Variants in FMO4 observed in about 807,000 individuals in gnomAD.
FMO4 encodes the protein dimethylaniline monooxygenase [N-oxide-forming] 4.
In FMO4, 38 loss-of-function variants were observed where a neutral mutation model predicts 43.3. The ratio of observed to expected loss-of-function variants is 0.88; its 90% CI spans 0.68 to 1.15. FMO4 has a LOEUF of 1.15. FMO4 is among the 50% of genes most tolerant of loss of function. The pLI is 0.00. For missense variants in FMO4, 631 were observed against 663.3 expected, an observed-to-expected ratio of 0.95 and a Z score of 0.54; for synonymous variants, 224 against 232.2, an observed-to-expected ratio of 0.96 and a Z score of 0.32.
intron 8 of FMO4, 68 bp from the exon 9 acceptor site, chr1:171,337,288 T>G: frequency 9.8e-7 from 1 of 1,018,582 alleles, no homozygotes; most frequent in Non-Finnish European, 1.6e-6. Flanking sequence ...TAGAAATGAG[T>G]GGGTGGAGAA....
chr1:171,338,349 C>T (rs1663206657), intron 9 of FMO4, among the ~76,000 whole-genome samples: 2 of 152,078 alleles, frequency 1.3e-5, no homozygotes, highest in African/African-American at 4.8e-5. Context: ...CTTGTCACAG[C>T]ATCAAGAGTG....
At chr1:171,339,627 G>C (rs184305603) in intron 9 of FMO4, among the ~76,000 whole-genome samples, 20 of 152,300 alleles carry the variant, frequency 1.3e-4, no homozygotes, top group Non-Finnish European at 2.1e-4. Context: ...TTGATGCCAA[G>C]AAGGAACAGC....
chr1:171,331,630 C>G lies in FMO4; in HGVS notation c.485-10C>G, dbSNP rs1040215325. The G allele has an allele frequency of 6.2e-7, 1 of 1,613,026 alleles. No homozygotes were observed. Among genetic ancestry groups the G allele is most frequent in the African/African-American group, 1.3e-5 (1 of 74,904 alleles). On this transcript the variant is annotated splice_polypyrimidine_tract_variant and intron_variant, in intron 5 of 9. Transcript: ENST00000367749. ...ACATTTCAGACTTTCTGATCCTTCA[C>G]TCCTCTCAGGAATTCATAAGTTTAA...
At position 171,342,054 on chromosome 1, in the gene FMO4, A is replaced by C; in HGVS notation, c.*215A>C. 1 of 526,736 alleles carries C rather than the reference A, an allele frequency of 1.9e-6. No homozygotes were observed. Among genetic ancestry groups the C allele is most frequent in the South Asian group, 2.6e-5 (1 of 38,448 alleles). The allele number at this position is 526,736 out of a possible 1,614,324, so 32.6% of individuals were successfully genotyped here. On this transcript the variant is annotated 3_prime_UTR_variant, in exon 10 of 10. Coordinates refer to ENST00000367749, the MANE Select transcript of FMO4 (RefSeq NM_002022.3). Reference sequence around the variant, plus strand: ...CTTCTACCCTGCTACCTCAGTGATTATTCTAAAATAAATATATATGATATG... The same window carrying C: ...CTTCTACCCTGCTACCTCAGTGATTCTTCTAAAATAAATATATATGATATG...
chr1:171,323,225 A>C, intron 4 of FMO4, 33 bp downstream of exon 4: 2 of 1,426,172 alleles, frequency 1.4e-6, no homozygotes, highest in Non-Finnish European at 2.0e-6. Flanking sequence ...AGATGAATAG[A>C]TGGGGGCTGG....
At chr1:171,319,239 C>A (rs917248207) in intron 2 of FMO4, among the ~76,000 whole-genome samples, 1 of 152,116 alleles carries the variant, frequency 6.6e-6, no homozygotes. Flanking sequence ...TGATCTTCCC[C>A]TGGAGTTTGG....
At position 171,334,598 on chromosome 1, in the gene FMO4, G is replaced by C. The variant is rs61342270; in HGVS notation, c.1015G>C (p.Glu339Gln). 1,108 of 1,613,542 alleles carry C rather than the reference G, an allele frequency of 6.9e-4. 5 individuals carry two copies. In the African/African-American group the frequency reaches 0.012, roughly 18 times the overall value. Reference protein sequence around the residue: ...GYTFSFPFFEEPLKSLCTKKI... With the variant: ...GYTFSFPFFEQPLKSLCTKKI... ...TACATTTTCTTTTCCATTTTTTGAA[G>C]AACCTCTTAAAAGCCTCTGTACAAA... The change falls in exon 8 of 10, where the codon GAA becomes CAA. Residue 339 changes from glutamate to glutamine, a missense_variant. Physicochemically the swap from Glu to Gln is conservative, Grantham distance 29. Coordinates refer to ENST00000367749, the MANE Select transcript of FMO4 (RefSeq NM_002022.3).
intron 5 of FMO4, 90 bp downstream of exon 5, chr1:171,324,390 G>A: frequency 1.0e-6 from 1 of 967,860 alleles, no homozygotes. Flanking sequence ...ACCGCCCCAT[G>A]ATTATAGATG....
chr1:171,315,229 T>C (rs535717213), intron 1 of FMO4, among the ~76,000 whole-genome samples: 35 of 152,148 alleles, frequency 2.3e-4, no homozygotes, highest in African/African-American at 8.4e-4. Context: ...GAGGTGGAGG[T>C]TGCAGTGAGC....
intron 2 of FMO4, among the ~76,000 whole-genome samples, chr1:171,318,286 C>T (rs1309887907): frequency 6.6e-6 from 1 of 151,296 alleles, no homozygotes; most frequent in East Asian, 1.9e-4. Flanking sequence ...CACTGCACTC[C>T]AGCCTGGGTG....
chr1:171,337,046 G>C (rs545849487), intron 8 of FMO4, among the ~76,000 whole-genome samples: 15 of 151,842 alleles, frequency 9.9e-5, no homozygotes, highest in African/African-American at 3.6e-4. Context: ...TACAGCAAAA[G>C]CAGATGAAGA....
chr1:171,331,892 C>A, intron 6 of FMO4, 110 bp downstream of exon 6: 12 of 890,342 alleles, frequency 1.3e-5, no homozygotes, highest in Admixed American at 4.9e-5. Context: ...TATGCAGACA[C>A]ACAGTAAGTG....
chr1:171,322,623 C>T (rs1008267398), intron 3 of FMO4, among the ~76,000 whole-genome samples: 10 of 152,102 alleles, frequency 6.6e-5, no homozygotes, highest in Non-Finnish European at 1.5e-4. Flanking sequence ...GAGGCCAAGG[C>T]GGGTGGATCA....
chr1:171,319,333 C>G (rs1418311630), intron 2 of FMO4, among the ~76,000 whole-genome samples: 1 of 152,160 alleles, frequency 6.6e-6, no homozygotes, highest in Non-Finnish European at 1.5e-5. Context: ...CCTTCTCTGC[C>G]ACACTGCTCT....
chr1:171,331,147 G>C (rs1470321683), intron 5 of FMO4, among the ~76,000 whole-genome samples: 1 of 152,156 alleles, frequency 6.6e-6, no homozygotes, highest in Non-Finnish European at 1.5e-5. Flanking sequence ...ATTGGGCAAA[G>C]TAACATGCAT....
rs1662957147 is a variant in FMO4, at chr1:171,332,782, T to C, written c.701T>C (p.Met234Thr). ...SSDWGYPYNM[M>T]VTRRCCSFIA... Reference sequence around the variant, plus strand: ...GATTGGGGCTATCCTTATAATATGATGGTTACAAGAAGATGCTGTAGTTTT... The same window carrying C: ...GATTGGGGCTATCCTTATAATATGACGGTTACAAGAAGATGCTGTAGTTTT... The change falls in exon 7 of 10, where the codon ATG becomes ACG. Residue 234 changes from methionine (M) to threonine (T), a missense_variant. Transcript: ENST00000367749. The C allele has an allele frequency of 6.2e-7, 1 of 1,612,764 alleles. No individual in the cohort carries two copies. The highest frequency in any genetic ancestry group is 8.5e-7 in the Non-Finnish European group (1 of 1,178,876).
At chr1:171,329,913 T>C (rs1662827190) in intron 5 of FMO4, among the ~76,000 whole-genome samples, 1 of 152,202 alleles carries the variant, frequency 6.6e-6, no homozygotes, top group African/African-American at 2.4e-5. Context: ...CAAAGAATCC[T>C]GTTAAAACAT....
chr1:171,335,726 A>G (rs1166330365), intron 8 of FMO4, among the ~76,000 whole-genome samples: 3 of 152,212 alleles, frequency 2.0e-5, no homozygotes, highest in Non-Finnish European at 4.4e-5. Flanking sequence ...TGGCACAAAA[A>G]AAAATGTTAT....
In FMO4 at chr1:171,331,544, T is replaced by C. The variant is rs549376894; in HGVS notation, c.485-96T>C. ...CAGCATAAGCAAAGGACTGCCATAGTTGTGGGACTTCCCTTTTTCCACAGA... is the reference window on the plus strand; with the variant it reads ...CAGCATAAGCAAAGGACTGCCATAGCTGTGGGACTTCCCTTTTTCCACAGA... On this transcript the variant is annotated intron_variant, in intron 5 of 9. Transcript: ENST00000367749. 61 of 1,164,400 alleles carry C rather than the reference T, an allele frequency of 5.2e-5. No homozygotes were observed. In the East Asian group the frequency reaches 1.4e-3, roughly 27 times the overall value. 72.1% of individuals were successfully genotyped at this position (1,164,400 alleles called of 1,614,324 possible). A position where few individuals can be genotyped will look rare whatever the true frequency, so the allele number is the denominator to read the frequency against.
Sources: allele counts gnomAD v4.1 joint callset (sites outside exome capture counted in the v4.1 genomes callset), GRCh38; gene constraint gnomAD v4.1.1; transcripts MANE v1.5; gene names NCBI Gene and HGNC (gene_info 2026-07-23, HGNC 2026-07-21).